ACOT12: variants seen among roughly 807,000 people sequenced by gnomAD.
The protein encoded by ACOT12 is acetyl-coenzyme A thioesterase.
Under a neutral mutation model 67.7 loss-of-function variants are expected in ACOT12, and 51 were observed. The observed-to-expected ratio is 0.75, with a 90% confidence interval of 0.60 to 0.95. ACOT12 has a LOEUF of 0.95. ACOT12 is among the 40% of genes least tolerant of loss of function. The probability of loss-of-function intolerance (pLI) is 0.00; values close to 1 mark genes in which losing one functional copy is unlikely to be tolerated. For synonymous variants in ACOT12, 251 were observed against 244.6 expected, an observed-to-expected ratio of 1.03 and a Z score of -0.24; for missense variants, 734 against 708.1, an observed-to-expected ratio of 1.04 and a Z score of -0.41.
chr5:81,391,984 T>C (rs764909130), intron 1 of ACOT12, among the ~76,000 whole-genome samples: 3 of 152,192 alleles, frequency 2.0e-5, no homozygotes, highest in Non-Finnish European at 2.9e-5. Context: ...GTGTGTGAGA[T>C]GTTCCAAAAT....
Position 81,344,924 on chromosome 5 carries a change from G to A in ACOT12, c.891C>T (p.Leu297=), listed in dbSNP as rs530409398. The part of the protein sequence containing the change: ...IYNAADDKEN[L]ITFPRIQPIS... ...TGGGTTGGATTCTGGGAAACGTGATGAGATTTTCCTTATCATCAGCAGCAT... is the reference window on the plus strand; with the variant it reads ...TGGGTTGGATTCTGGGAAACGTGATAAGATTTTCCTTATCATCAGCAGCAT... The change falls in exon 8 of 15, where the codon CTC becomes CTT. Residue 297 remains leucine (L), a synonymous_variant. Transcript: ENST00000307624. 2 of 1,614,174 alleles carry A rather than the reference G, an allele frequency of 1.2e-6. No homozygotes were observed. Among genetic ancestry groups the A allele is most frequent in the East Asian group, 2.2e-5 (1 of 44,880 alleles).
Position 81,360,606 on chromosome 5 carries a change from T to C in ACOT12, c.361-568A>G, listed in dbSNP as rs1398213285. Among the ~76,000 whole-genome samples the C allele has an allele frequency of 2.0e-5, 3 of 152,306 alleles. No individual in the cohort carries two copies. The East Asian group carries it at 5.8e-4, about 29-fold the overall frequency. ...ACCAACTTCCAGAAACCTGGAAATA[T>C]GAGGCAACAGAACCAAGAGCTCAAA... On this transcript the variant is annotated intron_variant, in intron 4 of 14. Coordinates refer to ENST00000307624, the MANE Select transcript of ACOT12 (RefSeq NM_130767.3).
rs369668324 is a variant in ACOT12 at position 81,332,511 on chromosome 5, C to A, written c.1357G>T (p.Val453Leu). 24 of 1,613,948 alleles carry A rather than the reference C, an allele frequency of 1.5e-5. No individual in the cohort carries two copies. The highest frequency in any genetic ancestry group is 2.0e-5 in the Non-Finnish European group (24 of 1,179,998). Reference protein sequence around the residue: ...LNDDKPKDLVVLVSRRKPLKD... With the variant: ...LNDDKPKDLVLLVSRRKPLKD... ...AGGGGTTTTCTTCGTGATACGAGTA[C>A]TACCAAGTCTTTGGGTTTGTCATCA... The change falls in exon 13 of 15, where the codon GTA (valine) becomes TTA (leucine). Residue 453 changes from valine to leucine, a missense_variant. Coordinates refer to ENST00000307624, the MANE Select transcript of ACOT12 (RefSeq NM_130767.3).
At chr5:81,324,084 G>A in the ACOT12 span, among the ~76,000 whole-genome samples, 3 of 151,948 alleles carry the variant, frequency 2.0e-5, no homozygotes, top group African/African-American at 7.2e-5. Context: ...TGGGATTACA[G>A]GCATGTGCCA....
chr5:81,392,158 G>C (rs1760883582), intron 1 of ACOT12, among the ~76,000 whole-genome samples: 1 of 152,050 alleles, frequency 6.6e-6, no homozygotes, highest in South Asian at 2.1e-4. Context: ...AGTGCCTAGG[G>C]GTCATAGAAA....
chr5:81,362,728 C>T (rs1168759524), intron 4 of ACOT12, among the ~76,000 whole-genome samples: 1 of 152,164 alleles, frequency 6.6e-6, no homozygotes, highest in African/African-American at 2.4e-5. Flanking sequence ...TTAGTGAACA[C>T]AGGCTCCGTG....
At chr5:81,314,030 C>G in the ACOT12 span, among the ~76,000 whole-genome samples, 4 of 152,136 alleles carry the variant, frequency 2.6e-5, no homozygotes, top group Non-Finnish European at 5.9e-5. Context: ...AAAGTTAGGT[C>G]TAATGCTTTT....
intron 11 of ACOT12, among the ~76,000 whole-genome samples, chr5:81,339,887 A>C (rs973564029): frequency 1.7e-4 from 24 of 137,156 alleles, no homozygotes; most frequent in Non-Finnish European, 2.5e-4. Flanking sequence ...AAAACCTGGA[A>C]AAAACATGAT....
the ACOT12 span, among the ~76,000 whole-genome samples, chr5:81,311,575 GTTAC>G: frequency 1.5e-4 from 23 of 152,190 alleles, no homozygotes; most frequent in African/African-American, 4.1e-4. Flanking sequence ...AGCCAATTCT[GTTAC>G]TTACAGAAAA....
chr5:81,352,767 T>C (rs986370461), intron 5 of ACOT12, among the ~76,000 whole-genome samples: 1 of 152,182 alleles, frequency 6.6e-6, no homozygotes, highest in Non-Finnish European at 1.5e-5. Flanking sequence ...TTGTCACACT[T>C]GAAGGAGTGG....
Position 81,363,886 on chromosome 5 carries a change from T to A in ACOT12, c.262A>T (p.Ser88Cys), listed in dbSNP as rs1331215487. The change falls in exon 4 of 15, where the codon AGT becomes TGT. Residue 88 changes from serine to cysteine, a missense_variant. By Grantham distance (112) the Ser-to-Cys change is moderately radical. Transcript: ENST00000307624. Reference sequence around the variant, plus strand: ...ATATCCTGTACCATGACCTTGATACTGATCTAAAATGAAAAAAAGATAAAT... The same window carrying A: ...ATATCCTGTACCATGACCTTGATACAGATCTAAAATGAAAAAAAGATAAAT... ...TRAFSTSMEISIKVMVQDMLT... is the reference protein window; with the variant it reads ...TRAFSTSMEICIKVMVQDMLT... 1 of 1,559,472 alleles carries A rather than the reference T, an allele frequency of 6.4e-7. No homozygotes were observed. Among genetic ancestry groups the A allele is most frequent in the Non-Finnish European group, 8.7e-7 (1 of 1,153,536 alleles).
intron 5 of ACOT12, among the ~76,000 whole-genome samples, chr5:81,349,069 C>T (rs1431375418): frequency 1.3e-5 from 2 of 152,178 alleles, no homozygotes; most frequent in African/African-American, 4.8e-5. Flanking sequence ...ACTGGGACAC[C>T]ATCGTGGCTG....
downstream of ACOT12, among the ~76,000 whole-genome samples, chr5:81,329,270 TGTTG>T (rs1157173369): frequency 6.6e-6 from 1 of 152,236 alleles, no homozygotes; most frequent in Admixed American, 6.5e-5. Context: ...TTACTAATTT[TGTTG>T]ACTTTTTCAA....
chr5:81,354,200 G>A (rs1186166348), intron 5 of ACOT12, among the ~76,000 whole-genome samples: 3 of 152,218 alleles, frequency 2.0e-5, no homozygotes, highest in African/African-American at 7.2e-5. Context: ...AGAAGACTTT[G>A]AGAAAAATCT....
At chr5:81,374,459 AG>A (rs1241518299) in intron 2 of ACOT12, among the ~76,000 whole-genome samples, 1 of 152,200 alleles carries the variant, frequency 6.6e-6, no homozygotes, top group African/African-American at 2.4e-5. Context: ...ACTCCGTGCC[AG>A]GAAGGGAAAA....
chr5:81,389,520 T>TTTTC (rs779324616), intron 1 of ACOT12, among the ~76,000 whole-genome samples: 4 of 152,038 alleles, frequency 2.6e-5, no homozygotes, highest in Non-Finnish European at 5.9e-5. Flanking sequence ...TTGTATTAGT[T>TTTTC]TTTCTTTCTT....
chr5:81,370,280 A>G (rs1161044042), intron 3 of ACOT12, among the ~76,000 whole-genome samples: 5 of 152,304 alleles, frequency 3.3e-5, no homozygotes, highest in African/African-American at 9.6e-5. Flanking sequence ...CTCAAAAACA[A>G]AAGCAAAAAC....
chr5:81,308,847 A>T, the ACOT12 span: 32 of 1,377,940 alleles, frequency 2.3e-5, no homozygotes, highest in Non-Finnish European at 2.9e-5. Flanking sequence ...ATTTTAAGTT[A>T]TGTAAATATA....
In ACOT12 at chr5:81,335,694, T is replaced by C. The variant is rs552739984; in HGVS notation, c.1262+74A>G. On this transcript the variant is annotated intron_variant, in intron 12 of 14. Transcript: ENST00000307624. ...TGGGTCACACATTGGACGATGGAGA[T>C]GGACTTCAGTATGGAGATCATCTTT... 24 of 1,494,672 alleles carry C rather than the reference T, an allele frequency of 1.6e-5. No individual in the cohort carries two copies. In the East Asian group the frequency reaches 4.8e-4, roughly 30 times the overall value. 92.6% of individuals were successfully genotyped at this position (1,494,672 alleles called of 1,614,324 possible).
Sources: allele counts gnomAD v4.1 joint callset (sites outside exome capture counted in the v4.1 genomes callset), GRCh38; gene constraint gnomAD v4.1.1; transcripts MANE v1.5; gene names NCBI Gene and HGNC (gene_info 2026-07-23, HGNC 2026-07-21).